The following LGALS9 variants were observed in gnomAD, a reference collection of about 807,000 sequenced individuals.
LGALS9 encodes galectin-9.
In LGALS9, 26 loss-of-function variants were observed where a neutral mutation model predicts 35.9. That is an observed-to-expected ratio of 0.72 (90% CI 0.53 to 1.01). LGALS9 has a LOEUF of 1.01. Among genes scored for constraint, LGALS9 ranks in the 50% least tolerant of loss-of-function variants. The pLI is 0.00. For missense variants in LGALS9, 347 were observed against 445.8 expected, an observed-to-expected ratio of 0.78 and a Z score of 1.99; for synonymous variants, 149 against 172.2, an observed-to-expected ratio of 0.87 and a Z score of 1.06.
At position 27,640,409 on chromosome 17, in the gene LGALS9, A is replaced by T. The variant is rs1478195984; in HGVS notation, c.132-163A>T. On this transcript the variant is annotated intron_variant, in intron 2 of 10. Transcript: ENST00000395473. ...AATAATTAAAACAAAAACACATTAG[A>T]TCCCAATTAGAAAAACAAAAACGAT... 9 of 1,036,024 alleles carry T rather than the reference A, an allele frequency of 8.7e-6. No homozygotes were observed. In the African/African-American group the frequency reaches 1.3e-4, roughly 15 times the overall value. The allele number at this position is 1,036,024 out of a possible 1,614,324, so 64.2% of individuals were successfully genotyped here.
At position 27,637,603 on chromosome 17, in the gene LGALS9, C is replaced by T. The variant is rs149707189; in HGVS notation, c.40-660C>T. Among the ~76,000 whole-genome samples, 590 of 152,270 alleles carry T rather than the reference C, an allele frequency of 3.9e-3. 3 individuals are homozygous for T. The highest frequency in any genetic ancestry group is 0.012 in the African/African-American group (484 of 41,554). On this transcript the variant is annotated intron_variant, in intron 1 of 10. Coordinates refer to ENST00000395473, the MANE Select transcript of LGALS9 (RefSeq NM_009587.3). ...GGCCTGAGGGAAGGAATGGGGAGCC[C>T]GGGCACAGAAATAGAGGAGGGGGCT...
At chr17:27,634,614 C>A (rs1383066059) in intron 1 of LGALS9, among the ~76,000 whole-genome samples, 1 of 152,154 alleles carries the variant, frequency 6.6e-6, no homozygotes, top group African/African-American at 2.4e-5. Flanking sequence ...AAACCAGCTT[C>A]TTCTTGCTTC....
Position 27,646,575 on chromosome 17 carries a change from C to G in LGALS9, c.656C>G (p.Pro219Arg). 6.2e-7 allele frequency: 1 copy of G among 1,612,320 alleles called. No individual in the cohort carries two copies. The highest frequency in any genetic ancestry group is 2.2e-5 in the East Asian group (1 of 44,876). Residue 219 changes from proline to arginine, a missense_variant, in exon 8 of 11, where the codon CCC becomes CGC. Physicochemically the swap from Pro to Arg is moderately radical, Grantham distance 103 (BLOSUM62 -2). Transcript: ENST00000395473. ...CCCGCCATCCCACCTATGATGTACC[C>G]CCACCCCGCCTATGTAAGTGGTTTC... The part of the protein sequence containing the change: ...STPAIPPMMY[P>R]HPAYPMPFIT...
intron 4 of LGALS9, 111 bp from the exon 5 acceptor site, chr17:27,643,414 T>G: frequency 6.5e-7 from 1 of 1,529,808 alleles, no homozygotes; most frequent in South Asian, 1.2e-5. Context: ...CCCCCTTGCC[T>G]CATCGCCCTG....
intron 1 of LGALS9, among the ~76,000 whole-genome samples, chr17:27,631,590 G>A (rs527582476): frequency 3.9e-5 from 6 of 152,246 alleles, no homozygotes; most frequent in African/African-American, 4.8e-5. Flanking sequence ...CATGTAGAGC[G>A]GGGTGGTTCA....
chr17:27,640,027 T>C (rs531120607), intron 2 of LGALS9, among the ~76,000 whole-genome samples: 16 of 148,148 alleles, frequency 1.1e-4, no homozygotes, highest in African/African-American at 3.2e-4. Flanking sequence ...TGAGCCATCA[T>C]GCCCAGCCAA....
intron 5 of LGALS9, chr17:27,644,232 C>G (rs1904753036): frequency 6.5e-6 from 1 of 154,620 alleles, no homozygotes; most frequent in African/African-American, 2.4e-5. Flanking sequence ...CTTCCATGCT[C>G]TGCCTAAGTG....
In LGALS9 at chr17:27,649,071, A is replaced by G; in HGVS notation, c.*89A>G. On this transcript the variant is annotated 3_prime_UTR_variant, in exon 11 of 11. Transcript: ENST00000395473. Reference sequence around the variant, plus strand: ...CCACTTCCCAGGCCCAGCCTTTCCAACCCTGCCTGGGATCTGGGCTTTAAT... The same window carrying G: ...CCACTTCCCAGGCCCAGCCTTTCCAGCCCTGCCTGGGATCTGGGCTTTAAT... 1.9e-6 allele frequency: 3 copies of G among 1,585,682 alleles called. No individual in the cohort carries two copies. The highest frequency in any genetic ancestry group is 2.6e-6 in the Non-Finnish European group (3 of 1,161,480).
At chr17:27,638,744 G>A (rs1935059192) in intron 2 of LGALS9, 2 of 305,880 alleles carry the variant, frequency 6.5e-6, no homozygotes, top group Admixed American at 4.7e-5. Context: ...TGAAAATATT[G>A]AAAATTGCCA....
chr17:27,633,524 C>T (rs997920318), intron 1 of LGALS9, among the ~76,000 whole-genome samples: 14 of 152,152 alleles, frequency 9.2e-5, no homozygotes, highest in African/African-American at 3.4e-4. Flanking sequence ...ACTTCGGGGT[C>T]GGGCCTGGGT....
intron 8 of LGALS9, 123 bp downstream of exon 8, chr17:27,646,711 G>A (rs1417607913): frequency 6.7e-7 from 1 of 1,499,110 alleles, no homozygotes; most frequent in South Asian, 1.1e-5. Flanking sequence ...TAAGCTGAAG[G>A]GCTTCAAAGC....
intron 4 of LGALS9, 136 bp downstream of exon 4, chr17:27,642,484 C>T: frequency 8.3e-7 from 1 of 1,207,616 alleles, no homozygotes; most frequent in African/African-American, 1.5e-5. Flanking sequence ...CTTCCCTGTC[C>T]CAGTACCTGC....
At chr17:27,633,833 A>G (rs1191550529) in intron 1 of LGALS9, among the ~76,000 whole-genome samples, 1 of 152,202 alleles carries the variant, frequency 6.6e-6, no homozygotes, top group Non-Finnish European at 1.5e-5. Context: ...TCTCCAGAAC[A>G]CTGTCGGGTG....
intron 2 of LGALS9, among the ~76,000 whole-genome samples, chr17:27,639,182 G>A (rs1296472054): frequency 6.6e-6 from 1 of 152,136 alleles, no homozygotes; most frequent in Admixed American, 6.6e-5. Context: ...TAGATTCTTG[G>A]TGACCTCCTC....
chr17:27,642,869 C>T (rs577579566), intron 4 of LGALS9, among the ~76,000 whole-genome samples: 4 of 152,110 alleles, frequency 2.6e-5, no homozygotes, highest in African/African-American at 4.8e-5. Flanking sequence ...TCTGTTTGAC[C>T]TCTGTGTTTT....
intron 10 of LGALS9, among the ~76,000 whole-genome samples, chr17:27,648,248 G>A (rs1905083591): frequency 1.3e-5 from 2 of 152,254 alleles, no homozygotes. Flanking sequence ...TTCAAGCCAG[G>A]GAGCAACATA....
chr17:27,631,870 G>A (rs1666351966), intron 1 of LGALS9, among the ~76,000 whole-genome samples: 1 of 151,980 alleles, frequency 6.6e-6, no homozygotes, highest in Admixed American at 6.6e-5. Context: ...CATGTTATTG[G>A]GTGTCTGAGG....
At chr17:27,641,616 A>G (rs1216769814) in intron 3 of LGALS9, among the ~76,000 whole-genome samples, 8 of 152,280 alleles carry the variant, frequency 5.3e-5, no homozygotes, top group Non-Finnish European at 1.0e-4. Flanking sequence ...GCAAACCACC[A>G]TGGCACCCGT....
chr17:27,640,758 G>A lies in LGALS9; in HGVS notation c.318G>A (p.Gln106=). ...GMPFDLCFLV[Q]SSDFKVMVNG... is the part of the protein sequence containing the mutation. ...CCTTTGACCTCTGCTTCCTGGTGCA[G>A]AGCTCAGATTTCAAGGTGAGCAAGA... Residue 106 remains glutamine, a synonymous_variant, in exon 3 of 11, where the codon CAG becomes CAA. Coordinates refer to ENST00000395473, the MANE Select transcript of LGALS9 (RefSeq NM_009587.3). The A allele has an allele frequency of 6.2e-7, 1 of 1,614,144 alleles. No homozygotes were observed. The highest frequency in any genetic ancestry group is 1.1e-5 in the South Asian group (1 of 91,088).
Sources: allele counts gnomAD v4.1 joint callset (sites outside exome capture counted in the v4.1 genomes callset), GRCh38; gene constraint gnomAD v4.1.1; transcripts MANE v1.5; gene names NCBI Gene and HGNC (gene_info 2026-07-23, HGNC 2026-07-21).